GLIS3: variants seen among roughly 807,000 people sequenced by gnomAD.
The protein encoded by GLIS3 is GLIS family zinc finger 3, also known as zinc finger protein GLIS3.
GLIS3 carries 53 observed loss-of-function variants against 78.6 expected under a neutral mutation model. The observed-to-expected ratio is 0.67, with a 90% CI of 0.54 to 0.85. GLIS3 has a LOEUF of 0.85. Ranked by LOEUF, GLIS3 falls within the 40% of genes least tolerant of loss-of-function variation. The pLI is 0.00. For missense variants in GLIS3, 1,703 were observed against 1,231.1 expected, an observed-to-expected ratio of 1.38 and a Z score of -5.74; for synonymous variants, 684 against 509.9, an observed-to-expected ratio of 1.34 and a Z score of -4.60.
intron 4 of GLIS3, among the ~76,000 whole-genome samples, chr9:4,067,545 A>G (rs1325943974): frequency 1.3e-5 from 2 of 148,800 alleles, no homozygotes; most frequent in Non-Finnish European, 1.5e-5. Flanking sequence ...CCTATGAAAT[A>G]ATTCTACTGC....
intron 3 of GLIS3, among the ~76,000 whole-genome samples, chr9:4,119,778 T>C (rs1254948748): frequency 1.3e-5 from 2 of 152,266 alleles, no homozygotes; most frequent in Non-Finnish European, 2.9e-5. Flanking sequence ...CAATATATTA[T>C]CTGCATATCA....
the GLIS3 span, among the ~76,000 whole-genome samples, chr9:4,436,091 C>T: frequency 6.6e-6 from 1 of 152,132 alleles, no homozygotes; most frequent in African/African-American, 2.4e-5. Flanking sequence ...AGCACTGACG[C>T]CAAAATATTT....
At chr9:4,368,199 A>C in the GLIS3 span, among the ~76,000 whole-genome samples, 1 of 152,228 alleles carries the variant, frequency 6.6e-6, no homozygotes, top group East Asian at 1.9e-4. Flanking sequence ...ACTTCTTTTA[A>C]TGTTCTCAGT....
chr9:4,309,647 G>A (rs966643249), intron 3 of GLIS3, among the ~76,000 whole-genome samples: 6 of 152,184 alleles, frequency 3.9e-5, no homozygotes, highest in Non-Finnish European at 7.3e-5. Context: ...CTATTTTGAT[G>A]ACTGATTTAC....
intron 4 of GLIS3, among the ~76,000 whole-genome samples, chr9:4,090,285 G>A (rs766746356): frequency 1.1e-4 from 17 of 151,974 alleles, no homozygotes; most frequent in African/African-American, 3.1e-4. Flanking sequence ...TTCAAACTGC[G>A]GTCCTGGCTC....
chr9:4,394,059 A>G, the GLIS3 span, among the ~76,000 whole-genome samples: 1 of 151,612 alleles, frequency 6.6e-6, no homozygotes, highest in Admixed American at 6.6e-5. Context: ...TTAAAACCCA[A>G]TCCCAGGAAA....
At chr9:4,028,304 A>C (rs1197326779) in intron 4 of GLIS3, among the ~76,000 whole-genome samples, 2 of 152,184 alleles carry the variant, frequency 1.3e-5, no homozygotes, top group Non-Finnish European at 2.9e-5. Flanking sequence ...TGCATTTTGT[A>C]AGACATCTAG....
Position 3,826,632 on chromosome 9 carries a change from T to G in GLIS3, c.*1640A>C, listed in dbSNP as rs1333522122. 7 of 152,212 alleles carry G rather than the reference T, an allele frequency of 4.6e-5. No homozygotes were observed. Among genetic ancestry groups the G allele is most frequent in the Non-Finnish European group, 1.0e-4 (7 of 68,034 alleles). 9.4% of individuals were successfully genotyped at this position (152,212 alleles called of 1,614,324 possible). ...CACCTCATTCTACTGCATGTTGGAA[T>G]GAACTCTGGAATCAGGTAGAATACT... On this transcript the variant is annotated 3_prime_UTR_variant, in exon 11 of 11. Coordinates refer to ENST00000381971, the MANE Select transcript of GLIS3 (RefSeq NM_001042413.2).
chr9:3,839,297 G>T (rs554991120), intron 9 of GLIS3, among the ~76,000 whole-genome samples: 2 of 152,158 alleles, frequency 1.3e-5, no homozygotes, highest in Non-Finnish European at 2.9e-5. Flanking sequence ...GGAATTATTT[G>T]TGGATGGAGC....
At chr9:3,898,473 G>A in intron 7 of GLIS3, 1 of 613,586 alleles carries the variant, frequency 1.6e-6, no homozygotes, top group East Asian at 2.9e-5. Flanking sequence ...ACTAAAAGAG[G>A]TAATGCATTA....
At chr9:3,939,574 G>C (rs1826088196) in intron 4 of GLIS3, among the ~76,000 whole-genome samples, 1 of 152,168 alleles carries the variant, frequency 6.6e-6, no homozygotes, top group Non-Finnish European at 1.5e-5. Context: ...AGCAAGGATA[G>C]AGGAAAATAT....
chr9:4,271,047 CCTT>C (rs1427111156), intron 2 of GLIS3, among the ~76,000 whole-genome samples: 2 of 152,026 alleles, frequency 1.3e-5, no homozygotes, highest in African/African-American at 4.8e-5. Flanking sequence ...TCCTCTTCCT[CCTT>C]CTCCTCAGCC....
At position 4,118,612 on chromosome 9, in the gene GLIS3, G is replaced by A. The variant is rs779371736; in HGVS notation, c.866C>T (p.Ser289Leu). 2 of 1,614,242 alleles carry A rather than the reference G, an allele frequency of 1.2e-6. No individual in the cohort carries two copies. The highest frequency in any genetic ancestry group is 1.7e-6 in the Non-Finnish European group (2 of 1,180,036). Residue 289 changes from serine to leucine, a missense_variant, in exon 4 of 11, where the codon TCA becomes TTA. By Grantham distance (145) the Ser-to-Leu change is moderately radical. Coordinates refer to ENST00000381971, the MANE Select transcript of GLIS3 (RefSeq NM_001042413.2). The surrounding 1 kb of genome is among the most constrained non-coding windows in gnomAD (Gnocchi z 4.7). ...GCGGGCCGAGTGGGACCTGGTGGAT[G>A]AGTGCCGAGGACTAGGGTAAGGAGA... ...SHSPYPSPRHSSTRSHSARSK... is the reference protein window; with the variant it reads ...SHSPYPSPRHLSTRSHSARSK...
intron 1 of GLIS3, among the ~76,000 whole-genome samples, chr9:4,297,636 C>A (rs1488958392): frequency 6.6e-6 from 1 of 152,198 alleles, no homozygotes. Flanking sequence ...CGAGTCCTGT[C>A]TCTACGGACC....
intron 2 of GLIS3, among the ~76,000 whole-genome samples, chr9:4,249,979 G>A (rs779189534): frequency 3.5e-4 from 54 of 152,238 alleles, no homozygotes; most frequent in Admixed American, 2.7e-3. Flanking sequence ...CAACTTGACC[G>A]TGGTGGATAA....
chr9:4,104,627 C>T (rs559061101), intron 4 of GLIS3, among the ~76,000 whole-genome samples: 1 of 152,236 alleles, frequency 6.6e-6, no homozygotes, highest in East Asian at 1.9e-4. Flanking sequence ...CAATCTAGCC[C>T]CCATTTCTCC....
chr9:4,010,269 C>A (rs78569846), intron 4 of GLIS3, among the ~76,000 whole-genome samples: 6,582 of 152,238 alleles, frequency 0.043, 470 homozygotes, highest in African/African-American at 0.15. Flanking sequence ...GACATATAAC[C>A]TTGGCCAAGT....
intron 8 of GLIS3, 83 bp from the exon 9 acceptor site, chr9:3,856,267 C>G: frequency 2.4e-6 from 3 of 1,238,302 alleles, no homozygotes; most frequent in Middle Eastern, 2.6e-4. Flanking sequence ...AAATTCTCAC[C>G]TCCCATTCTG....
chr9:3,939,060 C>T (rs968304716), intron 4 of GLIS3, among the ~76,000 whole-genome samples: 2 of 152,146 alleles, frequency 1.3e-5, no homozygotes, highest in Non-Finnish European at 2.9e-5. Context: ...TTTAGACACG[C>T]CAAGACTGTA....
Sources: allele counts gnomAD v4.1 joint callset (sites outside exome capture counted in the v4.1 genomes callset), GRCh38; gene constraint gnomAD v4.1.1; non-coding constraint Gnocchi (gnomAD v3.1); transcripts MANE v1.5; gene names NCBI Gene and HGNC (gene_info 2026-07-23, HGNC 2026-07-21).